The following ROBO2 variants were observed in gnomAD, a reference collection of about 807,000 sequenced individuals.
The protein encoded by ROBO2 is roundabout homolog 2.
In ROBO2, 53 loss-of-function variants were observed where a neutral mutation model predicts 160.8. The ratio of observed to expected loss-of-function variants is 0.33; its 90% CI spans 0.26 to 0.41. The LOEUF (loss-of-function observed/expected upper bound fraction) is 0.41. Among genes scored for constraint, ROBO2 ranks in the 10% least tolerant of loss-of-function variants. The pLI is 1.00. For missense variants in ROBO2, 1,577 were observed against 1,722.4 expected, an observed-to-expected ratio of 0.92 and a Z score of 1.49; for synonymous variants, 664 against 611.7, an observed-to-expected ratio of 1.09 and a Z score of -1.26.
chr3:76,161,143 T>A (rs1376352096), intron 2 of ROBO2, among the ~76,000 whole-genome samples: 1 of 152,080 alleles, frequency 6.6e-6, no homozygotes. Context: ...TTACTAAAGT[T>A]ACTCCTCATC....
chr3:76,783,381 T>C (rs1422019293), intron 2 of ROBO2, among the ~76,000 whole-genome samples: 1 of 150,158 alleles, frequency 6.7e-6, no homozygotes, highest in Non-Finnish European at 1.5e-5. Flanking sequence ...TGTTGCTAAT[T>C]AGCAACTCTT....
chr3:76,755,349 A>G (rs1357123110), intron 2 of ROBO2, among the ~76,000 whole-genome samples: 2 of 151,806 alleles, frequency 1.3e-5, no homozygotes, highest in Non-Finnish European at 2.9e-5. Context: ...AAAACCAGTA[A>G]GTGCTAAGAG....
At chr3:77,088,028 G>A (rs895032119) in intron 1 of ROBO2, among the ~76,000 whole-genome samples, 4 of 152,214 alleles carry the variant, frequency 2.6e-5, no homozygotes, top group African/African-American at 7.2e-5. Flanking sequence ...TGTCACTGGG[G>A]CCCACTTGCT....
At chr3:76,769,839 G>A (rs1017819468) in intron 2 of ROBO2, among the ~76,000 whole-genome samples, 6 of 151,424 alleles carry the variant, frequency 4.0e-5, no homozygotes, top group African/African-American at 1.4e-4. Context: ...CCTTTAAAAA[G>A]GCCTGCTTGA....
intron 2 of ROBO2, among the ~76,000 whole-genome samples, chr3:77,165,048 C>G (rs1461950140): frequency 2.0e-5 from 3 of 152,118 alleles, no homozygotes; most frequent in East Asian, 1.9e-4. Context: ...GCCACCACCC[C>G]GTCTGGGAGG....
At chr3:76,405,941 G>A (rs1305243267) in intron 2 of ROBO2, among the ~76,000 whole-genome samples, 1 of 151,548 alleles carries the variant, frequency 6.6e-6, no homozygotes, top group East Asian at 1.9e-4. Flanking sequence ...TAATAATTAT[G>A]TCTTGTCTTT....
In ROBO2 at chr3:76,810,140, G is replaced by GA. The variant is rs952690671; in HGVS notation, c.110-287868dup. Among the ~76,000 whole-genome samples, 9 of 152,006 alleles carry GA rather than the reference G, an allele frequency of 5.9e-5. No homozygotes were observed. In the East Asian group the frequency reaches 1.4e-3, roughly 23 times the overall value. On this transcript the variant is annotated intron_variant, in intron 2 of 26. Coordinates refer to the ROBO2 transcript ENST00000487694. ...TCAAAGAAACAGGAAAGTCATGAAG[G>GA]AAAAAAGAGTATGGAGAAAATGACC...
chr3:76,995,197 G>A (rs1012642625), intron 2 of ROBO2, among the ~76,000 whole-genome samples: 4 of 151,118 alleles, frequency 2.6e-5, no homozygotes, highest in African/African-American at 9.8e-5. Flanking sequence ...AGAATATGCG[G>A]TGTTTGGTTT....
intron 2 of ROBO2, among the ~76,000 whole-genome samples, chr3:77,464,389 G>A (rs986220796): frequency 2.6e-4 from 39 of 152,170 alleles, no homozygotes; most frequent in Admixed American, 2.3e-3. Flanking sequence ...CAGAAATAGA[G>A]AACAAACTGT....
chr3:77,035,790 C>T (rs539902723), upstream of ROBO2, among the ~76,000 whole-genome samples: 9 of 151,840 alleles, frequency 5.9e-5, no homozygotes, highest in South Asian at 2.1e-4. Flanking sequence ...GCAAATGAGC[C>T]GTCTCTCTGT....
exon 23 of ROBO2, chr3:77,622,232 T>G: frequency 6.2e-7 from 1 of 1,613,980 alleles, no homozygotes; most frequent in Non-Finnish European, 8.5e-7. Flanking sequence ...TCTAGGCACA[T>G]TCAAAGCAAT....
intron 7 of ROBO2, among the ~76,000 whole-genome samples, chr3:77,548,687 T>C (rs958649410): frequency 6.6e-6 from 1 of 151,986 alleles, no homozygotes; most frequent in Non-Finnish European, 1.5e-5. Flanking sequence ...TCCAGAGATA[T>C]TAATGTTAAA....
chr3:76,449,827 T>A (rs1204854577), intron 2 of ROBO2, among the ~76,000 whole-genome samples: 1 of 152,080 alleles, frequency 6.6e-6, no homozygotes, highest in East Asian at 1.9e-4. Flanking sequence ...AATAAACATT[T>A]TAGAGAGGTT....
intron 2 of ROBO2, among the ~76,000 whole-genome samples, chr3:76,772,366 A>G (rs1353686179): frequency 1.3e-5 from 2 of 150,456 alleles, no homozygotes; most frequent in African/African-American, 2.4e-5. Flanking sequence ...TATATATAAT[A>G]CACATTTATA....
At chr3:77,505,886 G>C (rs147575856) in intron 5 of ROBO2, among the ~76,000 whole-genome samples, 25 of 152,246 alleles carry the variant, frequency 1.6e-4, no homozygotes, top group African/African-American at 5.1e-4. Context: ...TTTATTTCTA[G>C]TAAAACATAT....
intron 8 of ROBO2, among the ~76,000 whole-genome samples, chr3:77,555,828 C>A (rs2093097855): frequency 6.6e-6 from 1 of 151,860 alleles, no homozygotes; most frequent in Non-Finnish European, 1.5e-5. Context: ...ACTTAAGTGT[C>A]ATGGAAACCT....
At chr3:76,412,414 TTTAGCA>T (rs1450939813) in intron 2 of ROBO2, among the ~76,000 whole-genome samples, 4 of 152,172 alleles carry the variant, frequency 2.6e-5, no homozygotes, top group Admixed American at 1.3e-4. Flanking sequence ...CTTAACTCAT[TTTAGCA>T]TTAACCCAAA....
chr3:76,190,523 A>G (rs1201528199), intron 2 of ROBO2, among the ~76,000 whole-genome samples: 1 of 152,100 alleles, frequency 6.6e-6, no homozygotes, highest in Non-Finnish European at 1.5e-5. Flanking sequence ...GTGATTATCT[A>G]ATGCTTTAAA....
Position 76,131,641 on chromosome 3 carries a change from A to G in ROBO2, c.109+194039A>G, listed in dbSNP as rs556540933. ...TTCTGAGAGTTCAGTCTGAAAGAGA[A>G]TACAAGCAGAGCAGATGTGATTTTA... On this transcript the variant is annotated intron_variant, in intron 2 of 26. Transcript: ENST00000487694. Among the ~76,000 whole-genome samples, 4 of 152,230 alleles carry G rather than the reference A, an allele frequency of 2.6e-5. 1 individual carries two copies. The highest frequency in any genetic ancestry group is 1.3e-4 in the Admixed American group (2 of 15,290).
Sources: allele counts gnomAD v4.1 joint callset (sites outside exome capture counted in the v4.1 genomes callset), GRCh38; gene constraint gnomAD v4.1.1; transcripts MANE v1.5; gene names NCBI Gene and HGNC (gene_info 2026-07-23, HGNC 2026-07-21).